Variants in SPRED1 observed in about 807,000 individuals in gnomAD.
SPRED1 encodes the protein sprouty related EVH1 domain containing 1, also known as sprouty-related, EVH1 domain-containing protein 1.
A neutral mutation model predicts 52.3 loss-of-function variants in SPRED1; 18 were observed. The observed-to-expected ratio is 0.34, with a 90% CI of 0.24 to 0.51. SPRED1 has a LOEUF of 0.51. Ranked by LOEUF, SPRED1 falls within the 20% of genes least tolerant of loss-of-function variation. SPRED1 has a pLI of 0.97. For synonymous variants in SPRED1, 155 were observed against 179.7 expected (o/e 0.86, Z 1.10); for missense variants, 485 against 551.0 (o/e 0.88, Z 1.20).
intron 1 of SPRED1, among the ~76,000 whole-genome samples, chr15:38,275,098 G>A (rs2140959655): frequency 6.6e-6 from 1 of 152,266 alleles, no homozygotes; most frequent in African/African-American, 2.4e-5. Flanking sequence ...CAATTACTGT[G>A]ATGTTTGCCA....
At chr15:38,289,666 G>A (rs1030990816) in intron 1 of SPRED1, among the ~76,000 whole-genome samples, 2 of 152,196 alleles carry the variant, frequency 1.3e-5, no homozygotes, top group African/African-American at 4.8e-5. Flanking sequence ...AACTACAGAA[G>A]AAGGTTCAGA....
At chr15:38,269,942 C>G (rs1894397988) in intron 1 of SPRED1, among the ~76,000 whole-genome samples, 1 of 126,378 alleles carries the variant, frequency 7.9e-6, no homozygotes, top group Non-Finnish European at 1.6e-5. Context: ...GAGTCTTGCT[C>G]TGTCTCCCAG....
At chr15:38,269,142 G>A (rs1320546595) in intron 1 of SPRED1, among the ~76,000 whole-genome samples, 1 of 151,974 alleles carries the variant, frequency 6.6e-6, no homozygotes. Context: ...GGGTTTCACC[G>A]TGTGTTAGCC....
chr15:38,334,978 A>G (rs1895882870), intron 4 of SPRED1, among the ~76,000 whole-genome samples: 1 of 151,920 alleles, frequency 6.6e-6, no homozygotes, highest in Admixed American at 6.6e-5. Context: ...CCTTGCCAAC[A>G]TTGAGTATTA....
chr15:38,339,625 G>A (rs924180599), intron 4 of SPRED1, 112 bp from the exon 5 acceptor site: 59 of 1,060,416 alleles, frequency 5.6e-5, no homozygotes, highest in Admixed American at 3.6e-4. Flanking sequence ...AGCGATGGTA[G>A]CGATATATAC....
At chr15:38,288,809 T>G (rs934012576) in intron 1 of SPRED1, among the ~76,000 whole-genome samples, 5 of 152,176 alleles carry the variant, frequency 3.3e-5, no homozygotes, top group Non-Finnish European at 7.4e-5. Context: ...ATTGCTTTTC[T>G]TTAGTACTCA....
At chr15:38,318,788 G>T (rs1489441891) in intron 2 of SPRED1, among the ~76,000 whole-genome samples, 3 of 152,040 alleles carry the variant, frequency 2.0e-5, no homozygotes, top group African/African-American at 7.2e-5. Context: ...TGTCTGTTTA[G>T]TATCCCATGG....
intron 1 of SPRED1, among the ~76,000 whole-genome samples, chr15:38,269,085 C>T (rs948339637): frequency 4.6e-5 from 7 of 151,802 alleles, no homozygotes; most frequent in African/African-American, 1.7e-4. Context: ...GACTAAGGTG[C>T]CCACCACCAT....
chr15:38,351,165 G>A lies in SPRED1; in HGVS notation c.836G>A (p.Ser279Asn), dbSNP rs904563789. ...NDLERDDADS[S>N]IQFSKPDSKK... Reference sequence around the variant, plus strand: ...TTGGAAAGAGATGATGCTGATTCCAGTATTCAGTTTTCTAAACCAGACAGT... The same window carrying A: ...TTGGAAAGAGATGATGCTGATTCCAATATTCAGTTTTCTAAACCAGACAGT... Residue 279 changes from serine (S) to asparagine (N), a missense_variant, in exon 7 of 7, where the codon AGT becomes AAT. Around this residue, in one of 5 missense-constraint regions of SPRED1, gnomAD observed 205 missense variants for 245.2 expected, o/e 0.84. Transcript: ENST00000299084. 21 of 1,613,936 alleles carry A rather than the reference G, an allele frequency of 1.3e-5. No homozygotes were observed. The highest frequency in any genetic ancestry group is 6.7e-5 in the Admixed American group (4 of 59,964).
At chr15:38,339,666 A>G (rs1174458866) in intron 4 of SPRED1, 71 bp from the exon 5 acceptor site, 2 of 1,502,230 alleles carry the variant, frequency 1.3e-6, no homozygotes, top group Non-Finnish European at 1.9e-6. Flanking sequence ...TTTTAGAGTG[A>G]AAGTATCTTA....
chr15:38,269,189 G>A lies in SPRED1; in HGVS notation c.32+15972G>A, dbSNP rs556299973. ...GATCTCCTAACCTTGTGATCTGCCC[G>A]CCTCAGCCTCCCAAAGTGCTGGGAT... On this transcript the variant is annotated intron_variant, in intron 1 of 6. Transcript: ENST00000299084. Among the ~76,000 whole-genome samples the A allele has an allele frequency of 3.3e-5, 5 of 152,120 alleles. No homozygotes were observed. In the East Asian group the frequency reaches 9.7e-4, roughly 30 times the overall value.
intron 2 of SPRED1, among the ~76,000 whole-genome samples, chr15:38,303,336 A>G (rs1041747774): frequency 6.6e-6 from 1 of 152,212 alleles, no homozygotes; most frequent in Non-Finnish European, 1.5e-5. Flanking sequence ...GTTAACTAAA[A>G]TTTAACTGTT....
intron 1 of SPRED1, among the ~76,000 whole-genome samples, chr15:38,267,537 T>C (rs1234462469): frequency 6.6e-6 from 1 of 152,236 alleles, no homozygotes; most frequent in African/African-American, 2.4e-5. Flanking sequence ...TTCTTAAATT[T>C]CTTAGATTCC....
chr15:38,279,101 C>T (rs907347135), intron 1 of SPRED1, among the ~76,000 whole-genome samples: 20 of 152,202 alleles, frequency 1.3e-4, no homozygotes, highest in Admixed American at 5.9e-4. Flanking sequence ...GTTGGGATTA[C>T]AGGCGTGAGC....
At chr15:38,305,992 T>A (rs1895244138) in intron 2 of SPRED1, among the ~76,000 whole-genome samples, 1 of 152,184 alleles carries the variant, frequency 6.6e-6, no homozygotes, top group Non-Finnish European at 1.5e-5. Flanking sequence ...GCTACTATTT[T>A]TTTTTTCATT....
intron 1 of SPRED1, among the ~76,000 whole-genome samples, chr15:38,281,756 A>G (rs983969044): frequency 3.3e-5 from 5 of 151,960 alleles, no homozygotes; most frequent in Non-Finnish European, 5.9e-5. Context: ...CCTTTGAGAA[A>G]TGTACATTTT....
chr15:38,287,570 G>C (rs1403048048), intron 1 of SPRED1, among the ~76,000 whole-genome samples: 1 of 151,930 alleles, frequency 6.6e-6, no homozygotes, highest in African/African-American at 2.4e-5. Flanking sequence ...GCTCTTTCTT[G>C]TCTGGTGGCC....
intron 1 of SPRED1, among the ~76,000 whole-genome samples, chr15:38,294,084 CA>C (rs1208802525): frequency 1.1e-4 from 17 of 152,266 alleles, no homozygotes; most frequent in African/African-American, 4.1e-4. Flanking sequence ...TGAATGTCTG[CA>C]TTCTACATAG....
chr15:38,333,279 A>G (rs534328824), intron 4 of SPRED1, among the ~76,000 whole-genome samples: 41 of 152,304 alleles, frequency 2.7e-4, no homozygotes, highest in African/African-American at 8.4e-4. Flanking sequence ...AGCATAAAAC[A>G]GTTTTTTAGT....
Sources: gnomAD v4.1 joint callset for allele counts (sites outside exome capture counted in the v4.1 genomes callset) on GRCh38, gnomAD v4.1.1 for gene constraint, gnomAD v4.1.1 regional missense constraint, MANE v1.5 for transcripts, NCBI Gene and HGNC (gene_info 2026-07-23, HGNC 2026-07-21) for gene names.